DISC1: variants seen among roughly 807,000 people sequenced by gnomAD.
DISC1 encodes the protein disrupted in schizophrenia 1 protein.
DISC1 carries 57 observed loss-of-function variants against 84.5 expected under a neutral mutation model. The observed-to-expected ratio is 0.67, with a 90% CI of 0.55 to 0.84. The LOEUF (loss-of-function observed/expected upper bound fraction) is 0.84, where lower values mean the gene tolerates loss of function less well. Among genes scored for constraint, DISC1 ranks in the 40% least tolerant of loss-of-function variants. The pLI is 0.00. For synonymous variants in DISC1, 411 were observed against 415.2 expected (o/e 0.99, Z 0.12); for missense variants, 1,000 against 1,057.8 (o/e 0.95, Z 0.76).
chr1:231,983,633 T>A (rs1197815419), intron 10 of DISC1, among the ~76,000 whole-genome samples: 2 of 9,952 alleles, frequency 2.0e-4, no homozygotes, highest in Non-Finnish European at 3.8e-4. Flanking sequence ...GGGGGAAGGG[T>A]TGGGGGTTGG....
chr1:231,959,602 T>A (rs1036885339), intron 10 of DISC1: 14 of 707,950 alleles, frequency 2.0e-5, no homozygotes, highest in Non-Finnish European at 2.3e-5. Context: ...TAAGCCTTTG[T>A]CTGCTAGGAC....
chr1:231,825,563 GT>G (rs2081804471), intron 9 of DISC1, among the ~76,000 whole-genome samples: 1 of 151,862 alleles, frequency 6.6e-6, no homozygotes, highest in South Asian at 2.1e-4. Context: ...AGAAGAGCCT[GT>G]TTGCCATGTT....
chr1:231,637,032 C>T (rs2059259597), intron 1 of DISC1, among the ~76,000 whole-genome samples: 1 of 152,140 alleles, frequency 6.6e-6, no homozygotes, highest in Admixed American at 6.5e-5. Context: ...TCAATTCCCA[C>T]TTATGAGTGA....
At chr1:231,658,548 T>C (rs766751844) in intron 1 of DISC1, among the ~76,000 whole-genome samples, 5 of 152,170 alleles carry the variant, frequency 3.3e-5, no homozygotes, top group Admixed American at 6.5e-5. Context: ...GACATCTTGT[T>C]TTGGGCTGTT....
chr1:231,862,099 A>G (rs1306147695), intron 9 of DISC1, among the ~76,000 whole-genome samples: 4 of 152,188 alleles, frequency 2.6e-5, no homozygotes, highest in Admixed American at 2.6e-4. Flanking sequence ...TCCAGCACCC[A>G]CCACACCTGA....
At chr1:231,970,480 G>A (rs1162179127) in intron 10 of DISC1, among the ~76,000 whole-genome samples, 1 of 152,200 alleles carries the variant, frequency 6.6e-6, no homozygotes, top group Non-Finnish European at 1.5e-5. Context: ...GGGCTTGTCT[G>A]GTGAGGGCCC....
chr1:231,953,925 G>A (rs545396308), intron 9 of DISC1, among the ~76,000 whole-genome samples: 1 of 152,306 alleles, frequency 6.6e-6, no homozygotes, highest in South Asian at 2.1e-4. Context: ...TAGCAAGTCT[G>A]CCTGGGTGTT....
At chr1:231,971,647 C>T (rs1365147376) in intron 10 of DISC1, among the ~76,000 whole-genome samples, 1 of 152,160 alleles carries the variant, frequency 6.6e-6, no homozygotes, top group Non-Finnish European at 1.5e-5. Context: ...GGCTGTATCC[C>T]ATTATATCTG....
chr1:231,836,127 G>T (rs1252545907), intron 9 of DISC1, among the ~76,000 whole-genome samples: 1 of 152,094 alleles, frequency 6.6e-6, no homozygotes, highest in Non-Finnish European at 1.5e-5. Flanking sequence ...TCCTACCCAA[G>T]ACCTTATTTT....
Position 232,037,392 on chromosome 1 carries a change from C to G in DISC1, c.*561C>G, listed in dbSNP as rs1484504192. On this transcript the variant is annotated 3_prime_UTR_variant, in exon 13 of 13. Coordinates refer to ENST00000439617, the MANE Select transcript of DISC1 (RefSeq NM_018662.3). ...ATATTATCTTAGAAAAATTAATATGCAATTTCCAAAAGATATTTTGGTAAG... is the reference window on the plus strand; with the variant it reads ...ATATTATCTTAGAAAAATTAATATGGAATTTCCAAAAGATATTTTGGTAAG... 1 of 152,198 alleles carries G rather than the reference C, an allele frequency of 6.6e-6. No homozygotes were observed. Among genetic ancestry groups the G allele is most frequent in the Non-Finnish European group, 1.5e-5 (1 of 68,042 alleles). 9.4% of individuals were successfully genotyped at this position (152,198 alleles called of 1,614,324 possible).
chr1:231,654,324 A>T (rs895461412), intron 1 of DISC1, among the ~76,000 whole-genome samples: 14 of 148,708 alleles, frequency 9.4e-5, no homozygotes, highest in Admixed American at 2.1e-4. Flanking sequence ...TTTTTTTTTT[A>T]AATTAATTAC....
At chr1:231,664,482 G>A (rs1340786245) in intron 1 of DISC1, among the ~76,000 whole-genome samples, 1 of 152,154 alleles carries the variant, frequency 6.6e-6, no homozygotes, top group African/African-American at 2.4e-5. Context: ...AGGATCTTTA[G>A]ATGGAGAGAC....
chr1:231,776,589 C>T lies in DISC1; in HGVS notation c.1634+5519C>T, dbSNP rs1177529804. Among the ~76,000 whole-genome samples the T allele has an allele frequency of 3.9e-5, 6 of 152,306 alleles. No homozygotes were observed. The East Asian group carries it at 1.2e-3, about 29-fold the overall frequency. ...TCCATGCCCCCAGCCACTAGCTAAA[C>T]TGCCCAGGGCTCCCTGGCGGGGGGC... is the stretch of plus-strand genomic sequence containing the variant. On this transcript the variant is annotated intron_variant, in intron 6 of 12. Coordinates refer to ENST00000439617, the MANE Select transcript of DISC1 (RefSeq NM_018662.3).
At chr1:231,700,397 A>T (rs911565322) in intron 2 of DISC1, among the ~76,000 whole-genome samples, 5 of 152,150 alleles carry the variant, frequency 3.3e-5, no homozygotes, top group Admixed American at 3.3e-4. Flanking sequence ...TCAATGCTGA[A>T]TTTTTTTCTC....
rs539162862 is a variant in DISC1 at position 231,778,969 on chromosome 1, C to T, written c.1634+7899C>T. Among the ~76,000 whole-genome samples the T allele has an allele frequency of 6.8e-4, 103 of 152,202 alleles. 1 individual carries two copies. The highest frequency in any genetic ancestry group is 1.7e-3 in the South Asian group (8 of 4,822). Reference sequence around the variant, plus strand: ...CCCTTTTGTAGCTTAGACATAACAACAGAGCAGCATCAATGCTAAAACGAG... The same window carrying T: ...CCCTTTTGTAGCTTAGACATAACAATAGAGCAGCATCAATGCTAAAACGAG... On this transcript the variant is annotated intron_variant, in intron 6 of 12. Coordinates refer to ENST00000439617, the MANE Select transcript of DISC1 (RefSeq NM_018662.3).
At chr1:231,632,952 T>G (rs1489747542) in intron 1 of DISC1, among the ~76,000 whole-genome samples, 3 of 152,142 alleles carry the variant, frequency 2.0e-5, no homozygotes, top group Non-Finnish European at 1.5e-5. Flanking sequence ...GTGCCTGTAA[T>G]CCCAGCTACT....
chr1:231,837,219 T>G (rs1049077521), intron 9 of DISC1, among the ~76,000 whole-genome samples: 11 of 152,198 alleles, frequency 7.2e-5, no homozygotes, highest in Admixed American at 7.2e-4. Flanking sequence ...TCACTTGCAA[T>G]TGTGCTTCTC....
intron 3 of DISC1, among the ~76,000 whole-genome samples, chr1:231,705,766 T>C (rs986852019): frequency 6.6e-6 from 1 of 152,166 alleles, no homozygotes; most frequent in African/African-American, 2.4e-5. Flanking sequence ...ATTTTAAGAA[T>C]TGTTGAGTTT....
At chr1:231,898,048 T>TA (rs1403827351) in intron 9 of DISC1, among the ~76,000 whole-genome samples, 2 of 152,254 alleles carry the variant, frequency 1.3e-5, no homozygotes, top group Admixed American at 1.3e-4. Flanking sequence ...GGGAGAAAGA[T>TA]ACAGCCACAT....
Sources: gnomAD v4.1 joint callset for allele counts (sites outside exome capture counted in the v4.1 genomes callset) on GRCh38, gnomAD v4.1.1 for gene constraint, MANE v1.5 for transcripts, NCBI Gene and HGNC (gene_info 2026-07-23, HGNC 2026-07-21) for gene names.